RNF24: variants seen among roughly 807,000 people sequenced by gnomAD.
RNF24 encodes ring finger protein 24.
A neutral mutation model predicts 20.0 loss-of-function variants in RNF24; 14 were observed. That is an observed-to-expected ratio of 0.70 (90% confidence interval 0.46 to 1.10). The LOEUF is 1.10. RNF24 is among the 50% of genes least tolerant of loss of function. RNF24 has a pLI of 0.00. For missense variants in RNF24, 124 were observed against 177.6 expected (o/e 0.70, Z 1.71); for synonymous variants, 45 against 61.1 (o/e 0.74, Z 1.23).
rs1395706157 is a variant in RNF24, at chr20:3,934,460, A to T, written c.309-259T>A. 2.0e-5 allele frequency among the ~76,000 whole-genome samples: 3 copies of T among 152,212 alleles called. No individual in the cohort carries two copies. In the East Asian group the frequency reaches 5.8e-4, roughly 29 times the overall value. ...TTCCACGTGTGAAGCCACAGATAGTATGTGATACTCTCAGTTACCCATGAC... is the reference window on the plus strand; with the variant it reads ...TTCCACGTGTGAAGCCACAGATAGTTTGTGATACTCTCAGTTACCCATGAC... On this transcript the variant is annotated intron_variant, in intron 5 of 5. Coordinates refer to ENST00000358395, the MANE Select transcript of RNF24 (RefSeq NM_001134337.3). This position sits in a 1 kb window ranked among gnomAD's most constrained non-coding sequence, Gnocchi z 4.0.
intron 4 of RNF24, among the ~76,000 whole-genome samples, chr20:3,936,763 T>C (rs2090896074): frequency 6.6e-6 from 1 of 152,192 alleles, no homozygotes; most frequent in Non-Finnish European, 1.5e-5. Flanking sequence ...GAAGCACAGG[T>C]TGGATGAGTT....
intron 1 of RNF24, 65 bp from the exon 2 acceptor site, chr20:3,964,089 T>C (rs1485318925): frequency 7.6e-6 from 11 of 1,448,422 alleles, no homozygotes; most frequent in Middle Eastern, 1.8e-4. Flanking sequence ...AGCATTATCA[T>C]TGTGCACGTA....
intron 1 of RNF24, among the ~76,000 whole-genome samples, chr20:3,975,872 AT>A (rs879306207): frequency 3.5e-4 from 51 of 146,558 alleles, no homozygotes; most frequent in Middle Eastern, 3.6e-3. Context: ...CAACCTTGCT[AT>A]TTTTTTTTTT....
intron 1 of RNF24, among the ~76,000 whole-genome samples, chr20:3,966,464 G>T (rs1305645062): frequency 1.4e-5 from 2 of 142,910 alleles, no homozygotes; most frequent in African/African-American, 2.6e-5. Context: ...AACTATTAAG[G>T]CTTTAGTGTG....
At chr20:3,935,103 G>C (rs746197710) in intron 4 of RNF24, 30 bp from the exon 5 acceptor site, 13 of 1,603,804 alleles carry the variant, frequency 8.1e-6, no homozygotes, top group Non-Finnish European at 1.1e-5. Context: ...ATGAAGCCAA[G>C]TGTCTGTTAA....
intron 1 of RNF24, chr20:4,015,140 C>A (rs1399782035): frequency 6.6e-6 from 1 of 152,328 alleles, no homozygotes; most frequent in Non-Finnish European, 1.5e-5. Context: ...CGGGGGCCCA[C>A]GCACCTTCCC....
At chr20:3,941,800 C>T (rs1321418476) in intron 4 of RNF24, among the ~76,000 whole-genome samples, 1 of 152,162 alleles carries the variant, frequency 6.6e-6, no homozygotes, top group Admixed American at 6.5e-5. Flanking sequence ...TGAAGCTGGG[C>T]ATGGTGGCTC....
intron 1 of RNF24, among the ~76,000 whole-genome samples, chr20:3,970,233 T>C (rs1379060635): frequency 6.6e-6 from 1 of 152,088 alleles, no homozygotes; most frequent in South Asian, 2.1e-4. Context: ...GGAACTCCCA[T>C]TCCTGCCCCG....
chr20:4,004,167 G>A (rs945465362), intron 1 of RNF24, among the ~76,000 whole-genome samples: 1 of 152,014 alleles, frequency 6.6e-6, no homozygotes. Context: ...CACATCCCAG[G>A]CTATCCCCAA....
intron 1 of RNF24, among the ~76,000 whole-genome samples, chr20:4,014,739 G>A (rs941272771): frequency 1.4e-3 from 207 of 143,780 alleles, no homozygotes; most frequent in Middle Eastern, 3.5e-3. Context: ...ACTTGAATGC[G>A]CACACACACA....
In RNF24 at chr20:3,963,962, T is replaced by C; in HGVS notation, c.56A>G (p.Asn19Ser). Residue 19 changes from asparagine to serine, a missense_variant, in exon 2 of 6, where the codon AAT becomes AGT. By Grantham distance (46) the Asn-to-Ser change is conservative. Coordinates refer to ENST00000358395, the MANE Select transcript of RNF24 (RefSeq NM_001134337.3). ...CACAATATATATGTTGAGAGGCAGA[T>C]TCTGGAATCCAATATTAGGCATCCT... Reference protein sequence around the residue: ...NFRMPNIGFQNLPLNIYIVVF... With the variant: ...NFRMPNIGFQSLPLNIYIVVF... The C allele has an allele frequency of 6.2e-7, 1 of 1,613,400 alleles. No individual in the cohort carries two copies. Among genetic ancestry groups the C allele is most frequent in the Middle Eastern group, 1.7e-4 (1 of 6,060 alleles).
At chr20:3,981,472 A>T (rs1267629131) in intron 1 of RNF24, among the ~76,000 whole-genome samples, 1 of 150,500 alleles carries the variant, frequency 6.6e-6, no homozygotes, top group African/African-American at 2.4e-5. Flanking sequence ...TTCTTTCTCC[A>T]CTGTCTTAAA....
intron 4 of RNF24, among the ~76,000 whole-genome samples, chr20:3,941,020 G>A (rs1003380): frequency 0.38 from 57,830 of 152,048 alleles, 12,260 homozygotes; most frequent in Non-Finnish European, 0.48. Context: ...CTGTTCCTCC[G>A]TGAAGGTTTT....
chr20:3,956,022 T>C (rs1011419334), intron 2 of RNF24, among the ~76,000 whole-genome samples: 1 of 152,174 alleles, frequency 6.6e-6, no homozygotes, highest in African/African-American at 2.4e-5. Flanking sequence ...AGTAGTTTTT[T>C]TTGTGTGTGT....
At position 3,931,100 on chromosome 20, in the gene RNF24, T is replaced by C. The variant is rs564319158; in HGVS notation, c.*2963A>G. 1 of 152,368 alleles carries C rather than the reference T, an allele frequency of 6.6e-6. No homozygotes were observed. Among genetic ancestry groups the C allele is most frequent in the Admixed American group, 6.5e-5 (1 of 15,308 alleles). The allele number at this position is 152,368 out of a possible 1,614,324, so 9.4% of individuals were successfully genotyped here. A position where few individuals can be genotyped will look rare whatever the true frequency, so the allele number is the denominator to read the frequency against. ...TTTGTTCCCTGTTTCTGAAGGCAGT[T>C]GAATTCAGTTGTACCCCTAGCAACT... On this transcript the variant is annotated 3_prime_UTR_variant, in exon 6 of 6. Transcript: ENST00000358395.
intron 1 of RNF24, among the ~76,000 whole-genome samples, chr20:3,979,286 G>A (rs1465689770): frequency 6.6e-6 from 1 of 151,968 alleles, no homozygotes; most frequent in Non-Finnish European, 1.5e-5. Flanking sequence ...ACTCTTAGAG[G>A]CCACAATACG....
At chr20:3,995,948 T>C (rs367931907) in intron 1 of RNF24, among the ~76,000 whole-genome samples, 11 of 152,168 alleles carry the variant, frequency 7.2e-5, no homozygotes, top group Non-Finnish European at 1.5e-4. Context: ...CTTTCCTTTA[T>C]AAAAATGTTT....
intron 3 of RNF24, among the ~76,000 whole-genome samples, chr20:3,946,339 C>G (rs375422141): frequency 6.6e-6 from 1 of 152,018 alleles, no homozygotes; most frequent in African/African-American, 2.4e-5. Flanking sequence ...TGGTGGTGCA[C>G]GCCTGTAATC....
chr20:3,977,913 C>CA (rs1025820648), intron 1 of RNF24, among the ~76,000 whole-genome samples: 2 of 149,314 alleles, frequency 1.3e-5, no homozygotes, highest in Non-Finnish European at 3.0e-5. Flanking sequence ...GGCACACACA[C>CA]AAAAAACCCC....
Sources: allele counts gnomAD v4.1 joint callset (sites outside exome capture counted in the v4.1 genomes callset), GRCh38; gene constraint gnomAD v4.1.1; non-coding constraint Gnocchi (gnomAD v3.1); transcripts MANE v1.5; gene names NCBI Gene and HGNC (gene_info 2026-07-23, HGNC 2026-07-21).